Variants in OR9Q1 observed in about 807,000 individuals in gnomAD.
OR9Q1 encodes the protein olfactory receptor family 9 subfamily Q member 1, also known as olfactory receptor 9Q1.
For missense variants in OR9Q1, 374 were observed against 378.8 expected (o/e 0.99, Z 0.11); for synonymous variants, 153 against 148.6 (o/e 1.03, Z -0.22).
At chr11:58,160,311 T>A (rs1480914286) in intron 2 of OR9Q1, among the ~76,000 whole-genome samples, 1 of 152,204 alleles carries the variant, frequency 6.6e-6, no homozygotes, top group Non-Finnish European at 1.5e-5. Context: ...TTTTTGCAAT[T>A]TTAAGCCACT....
At chr11:58,108,637 A>G (rs1321171034) in intron 2 of OR9Q1, 1 of 191,680 alleles carries the variant, frequency 5.2e-6, no homozygotes, top group African/African-American at 2.4e-5. Context: ...TGTTGAGGGA[A>G]ATCACCATCT....
rs1354626924 is a variant in OR9Q1 at position 58,179,613 on chromosome 11, G to A, written c.169G>A (p.Ala57Thr). The A allele has an allele frequency of 1.3e-5, 21 of 1,613,118 alleles. 1 individual carries two copies. The highest frequency in any genetic ancestry group is 5.0e-5 in the Admixed American group (3 of 59,952). Residue 57 changes from alanine to threonine, a missense_variant, in exon 3 of 3, where the codon GCT (alanine) becomes ACT (threonine). Physicochemically the swap from Ala to Thr is moderately conservative, Grantham distance 58 (BLOSUM62 0). Coordinates refer to ENST00000335397, the MANE Select transcript of OR9Q1 (RefSeq NM_001005212.4). ...GATCCTCATGGATCACCAGCTCCAC[G>A]CTCCAATGTATTTCCTTCTGAGTCA... Reference protein sequence around the residue: ...ILILMDHQLHAPMYFLLSHLA... With the variant: ...ILILMDHQLHTPMYFLLSHLA...
At chr11:58,031,643 C>T (rs780999811) in intron 1 of OR9Q1, 7 of 1,613,792 alleles carry the variant, frequency 4.3e-6, no homozygotes, top group Non-Finnish European at 5.9e-6. Flanking sequence ...GACACTGCTG[C>T]ACATCCGCTC....
At chr11:58,037,233 TTAAGG>T (rs1853108554) in intron 1 of OR9Q1, among the ~76,000 whole-genome samples, 2 of 152,212 alleles carry the variant, frequency 1.3e-5, no homozygotes, top group African/African-American at 4.8e-5. Context: ...ATTTTTAAAA[TTAAGG>T]TATGTACATT....
chr11:58,031,886 A>G, intron 1 of OR9Q1: 2 of 1,611,750 alleles, frequency 1.2e-6, no homozygotes, highest in South Asian at 2.2e-5. Context: ...CTTTTCTCTC[A>G]ACTTTTGGAA....
At chr11:58,161,759 C>T (rs774438336) in intron 2 of OR9Q1, among the ~76,000 whole-genome samples, 6 of 152,018 alleles carry the variant, frequency 3.9e-5, no homozygotes, top group South Asian at 4.2e-4. Flanking sequence ...CTCGAACTCC[C>T]GGCCTCAGGT....
chr11:58,133,040 A>G (rs528318542), intron 2 of OR9Q1, among the ~76,000 whole-genome samples: 2 of 152,206 alleles, frequency 1.3e-5, no homozygotes, highest in East Asian at 3.9e-4. Context: ...CCCCACTTAG[A>G]CACCACATTC....
At chr11:58,111,790 T>C (rs1853901602) in intron 2 of OR9Q1, among the ~76,000 whole-genome samples, 2 of 152,170 alleles carry the variant, frequency 1.3e-5, no homozygotes, top group African/African-American at 4.8e-5. Context: ...TATAGACATC[T>C]TGAATTCTCA....
intron 2 of OR9Q1, among the ~76,000 whole-genome samples, chr11:58,095,684 A>G (rs1853724196): frequency 6.6e-6 from 1 of 152,132 alleles, no homozygotes; most frequent in Non-Finnish European, 1.5e-5. Flanking sequence ...GATGGGTGAA[A>G]TCACCACCAT....
intron 2 of OR9Q1, among the ~76,000 whole-genome samples, chr11:58,058,934 C>T (rs918638494): frequency 4.6e-5 from 7 of 152,128 alleles, no homozygotes; most frequent in East Asian, 1.9e-4. Context: ...AAACTGGGGG[C>T]GCTGAGATCC....
chr11:58,118,853 C>T, intron 2 of OR9Q1: 1 of 1,613,996 alleles, frequency 6.2e-7, no homozygotes, highest in Non-Finnish European at 8.5e-7. Context: ...AAGATGATGA[C>T]AATCTCGATG....
intron 2 of OR9Q1, among the ~76,000 whole-genome samples, chr11:58,093,576 C>T (rs551406818): frequency 2.3e-4 from 35 of 151,874 alleles, no homozygotes; most frequent in South Asian, 6.3e-4. Flanking sequence ...CTGGCTAACA[C>T]GGTGAAACCT....
At chr11:58,067,485 A>C (rs1039000838) in intron 2 of OR9Q1, among the ~76,000 whole-genome samples, 2 of 152,178 alleles carry the variant, frequency 1.3e-5, no homozygotes, top group African/African-American at 4.8e-5. Context: ...TTCAATGGCA[A>C]AACCCTTTCA....
rs1231414508 is a variant in OR9Q1, at chr11:58,144,908, C to CGCT, written c.-14-34518_-14-34516dup. The CGCT allele has an allele frequency of 2.6e-5, 4 of 152,546 alleles. No homozygotes were observed. The East Asian group carries it at 7.7e-4, about 29-fold the overall frequency. The allele number at this position is 152,546 out of a possible 1,614,324, so 9.4% of individuals were successfully genotyped here. A position where few individuals can be genotyped will look rare whatever the true frequency, so the allele number is the denominator to read the frequency against. On this transcript the variant is annotated intron_variant, in intron 2 of 2. Coordinates refer to ENST00000335397, the MANE Select transcript of OR9Q1 (RefSeq NM_001005212.4). Reference sequence around the variant, plus strand: ...GTCATGACACCAAAGACCCGCCTGGCGCTGCTGGCCGGGGCATATTCTGGT... The same window carrying CGCT: ...GTCATGACACCAAAGACCCGCCTGGCGCTGCTGCTGGCCGGGGCATATTCTGGT...
intron 1 of OR9Q1, chr11:58,044,304 C>T (rs555496902): frequency 1.3e-5 from 2 of 152,328 alleles, no homozygotes; most frequent in South Asian, 2.1e-4. Flanking sequence ...AAGAACCAGC[C>T]TCCCTCCTTA....
At chr11:58,113,511 C>A (rs1001350127) in intron 2 of OR9Q1, among the ~76,000 whole-genome samples, 1 of 152,156 alleles carries the variant, frequency 6.6e-6, no homozygotes, top group Non-Finnish European at 1.5e-5. Context: ...CTGTAACAAC[C>A]ATTTCCACAT....
intron 2 of OR9Q1, among the ~76,000 whole-genome samples, chr11:58,115,631 G>A (rs1292480529): frequency 6.6e-6 from 1 of 152,150 alleles, no homozygotes; most frequent in East Asian, 1.9e-4. Flanking sequence ...CCACTATGTT[G>A]TTGCCAAGGA....
intron 2 of OR9Q1, among the ~76,000 whole-genome samples, chr11:58,056,952 C>T (rs928011701): frequency 6.6e-5 from 10 of 150,744 alleles, no homozygotes; most frequent in Non-Finnish European, 1.3e-4. Context: ...GATCTGTACC[C>T]ACTTTCCTAA....
At chr11:58,053,682 TATTTA>T (rs1195083313) in intron 1 of OR9Q1, among the ~76,000 whole-genome samples, 1 of 147,238 alleles carries the variant, frequency 6.8e-6, no homozygotes, top group African/African-American at 2.5e-5. Context: ...AAAATAAAAA[TATTTA>T]ATTCACAGTA....
Sources: gnomAD v4.1 joint callset for allele counts (sites outside exome capture counted in the v4.1 genomes callset) on GRCh38, gnomAD v4.1.1 for gene constraint, MANE v1.5 for transcripts, NCBI Gene and HGNC (gene_info 2026-07-23, HGNC 2026-07-21) for gene names.